Variants in ASCC3 observed in about 807,000 individuals in gnomAD.
The protein encoded by ASCC3 is activating signal cointegrator 1 complex subunit 3.
A neutral mutation model predicts 256.3 loss-of-function variants in ASCC3; 158 were observed. The observed-to-expected ratio is 0.62, with a 90% confidence interval of 0.54 to 0.70. The LOEUF is 0.70. Ranked by LOEUF, ASCC3 falls within the 30% of genes least tolerant of loss-of-function variation. The probability of loss-of-function intolerance (pLI) is 0.00; values close to 1 mark genes in which losing one functional copy is unlikely to be tolerated. For synonymous variants in ASCC3, 948 were observed against 883.4 expected, an observed-to-expected ratio of 1.07 and a Z score of -1.30; for missense variants, 2,259 against 2,626.0, an observed-to-expected ratio of 0.86 and a Z score of 3.05.
chr6:100,558,112 T>A (rs1327734210), intron 36 of ASCC3, among the ~76,000 whole-genome samples: 7 of 151,436 alleles, frequency 4.6e-5, no homozygotes, highest in Admixed American at 6.6e-5. Flanking sequence ...GTTCATATTT[T>A]GGTTTATTAT....
At chr6:100,777,659 A>G (rs1320898772) in intron 8 of ASCC3, among the ~76,000 whole-genome samples, 1 of 152,130 alleles carries the variant, frequency 6.6e-6, no homozygotes, top group Non-Finnish European at 1.5e-5. Context: ...CCACGAAAAA[A>G]TTTGAAACCT....
intron 13 of ASCC3, among the ~76,000 whole-genome samples, chr6:100,687,772 A>G (rs1402952207): frequency 1.3e-5 from 2 of 152,132 alleles, no homozygotes; most frequent in East Asian, 1.9e-4. Context: ...TTACCTGGAA[A>G]TGCTTTAGGA....
At chr6:100,761,587 T>A (rs1398488472) in intron 10 of ASCC3, among the ~76,000 whole-genome samples, 2 of 152,148 alleles carry the variant, frequency 1.3e-5, no homozygotes, top group Non-Finnish European at 2.9e-5. Flanking sequence ...ATAAAGACAT[T>A]CTCAGATTTT....
At position 100,781,522 on chromosome 6, in the gene ASCC3, T is replaced by C. The variant is rs1782449604; in HGVS notation, c.1396-14177A>G. ...CCTCAGCCTCCTGAGTAGCTGGGACTACAGGTGGGTGCCACCACGCCTGGC... is the reference window on the plus strand; with the variant it reads ...CCTCAGCCTCCTGAGTAGCTGGGACCACAGGTGGGTGCCACCACGCCTGGC... On this transcript the variant is annotated intron_variant, in intron 8 of 41. Coordinates refer to ENST00000369162, the MANE Select transcript of ASCC3 (RefSeq NM_006828.4). 2.0e-5 allele frequency among the ~76,000 whole-genome samples: 3 copies of C among 150,802 alleles called. No individual in the cohort carries two copies. In the South Asian group the frequency reaches 6.3e-4, roughly 32 times the overall value.
At chr6:100,576,357 CTA>C (rs1190639636) in intron 36 of ASCC3, among the ~76,000 whole-genome samples, 6 of 151,964 alleles carry the variant, frequency 3.9e-5, no homozygotes, top group Non-Finnish European at 5.9e-5. Flanking sequence ...ACTTATAATT[CTA>C]GTTACAAGGT....
At chr6:100,719,452 A>AT (rs137976337) in intron 11 of ASCC3, among the ~76,000 whole-genome samples, 3,111 of 152,114 alleles carry the variant, frequency 0.02, 102 homozygotes, top group African/African-American at 0.073. Context: ...TTTTAAAATC[A>AT]TTTTTTAAGA....
chr6:100,703,964 T>C (rs1778461302), intron 13 of ASCC3, among the ~76,000 whole-genome samples: 1 of 151,530 alleles, frequency 6.6e-6, no homozygotes, highest in African/African-American at 2.4e-5. Flanking sequence ...TTTTATCTTA[T>C]ATATAGGAAA....
intron 36 of ASCC3, among the ~76,000 whole-genome samples, 191 bp from the exon 37 acceptor site, chr6:100,540,578 T>G (rs1052155621): frequency 6.6e-6 from 1 of 152,194 alleles, no homozygotes; most frequent in Non-Finnish European, 1.5e-5. Context: ...GTACAATCTG[T>G]GAAATTCATG....
In ASCC3 at chr6:100,509,548, T is replaced by C; in HGVS notation, c.6462-15A>G. On this transcript the variant is annotated splice_polypyrimidine_tract_variant and intron_variant, in intron 41 of 41. Coordinates refer to ENST00000369162, the MANE Select transcript of ASCC3 (RefSeq NM_006828.4). ...TGTAGATATACCTAAAATATAAAAA[T>C]AGAAGAAAAATGTAAAACCACTTTT... The C allele has an allele frequency of 6.2e-7, 1 of 1,606,482 alleles. No homozygotes were observed.
chr6:100,837,818 T>C (rs955507203), intron 4 of ASCC3, among the ~76,000 whole-genome samples: 1 of 152,008 alleles, frequency 6.6e-6, no homozygotes, highest in African/African-American at 2.4e-5. Context: ...GCCTATCTAG[T>C]GCACAGTAGG....
chr6:100,644,076 A>G lies in ASCC3; in HGVS notation c.3687T>C (p.Asn1229=). The G allele has an allele frequency of 6.2e-7, 1 of 1,612,984 alleles. No individual in the cohort carries two copies. Among genetic ancestry groups the G allele is most frequent in the Non-Finnish European group, 8.5e-7 (1 of 1,179,376 alleles). Residue 1229 remains asparagine, a synonymous_variant, in exon 23 of 42, where the codon AAT becomes AAC. Transcript: ENST00000369162. The part of the protein sequence containing the change: ...PWWIWVEDPT[N]DHIYHSEYFL... Reference sequence around the variant, plus strand: ...AATACTCTGAATGATAAATATGATCATTTGTAGGATCTTCTACCCAAATCC... The same window carrying G: ...AATACTCTGAATGATAAATATGATCGTTTGTAGGATCTTCTACCCAAATCC...
At position 100,627,640 on chromosome 6, in the gene ASCC3, C is replaced by A. The variant is rs552450832; in HGVS notation, c.4592G>T (p.Gly1531Val). 1.9e-6 allele frequency: 3 copies of A among 1,613,554 alleles called. No homozygotes were observed. The East Asian group carries it at 6.7e-5, about 36-fold the overall frequency. ...AGCCATACGAGGACAGTAATGTTGA[C>A]CTGGAAAGCCTTGAATGTGAACTTC... ...PLEVHIQGFP[G>V]QHYCPRMASM... Residue 1531 changes from glycine to valine, a missense_variant, in exon 29 of 42, where the codon GGT becomes GTT. This residue lies in a region of ASCC3 where 1,839 missense variants were observed against 2,206.7 expected (regional missense o/e 0.83). Transcript: ENST00000369162.
Position 100,512,766 on chromosome 6 carries a change from A to C in ASCC3, c.6228T>G (p.Ala2076=). 1.2e-6 allele frequency: 2 copies of C among 1,614,168 alleles called. No homozygotes were observed. Among genetic ancestry groups the C allele is most frequent in the Non-Finnish European group, 1.7e-6 (2 of 1,180,000 alleles). ...RDDNKWIKLH[A]DQEYVLQVSL... ...TCACTTGAAGCACATACTCTTGGTCAGCATGCAATTTGATCCATTTGTTGT... is the reference window on the plus strand; with the variant it reads ...TCACTTGAAGCACATACTCTTGGTCCGCATGCAATTTGATCCATTTGTTGT... Residue 2076 remains alanine (A), a synonymous_variant, in exon 40 of 42, where the codon GCT becomes GCG. Coordinates refer to ENST00000369162, the MANE Select transcript of ASCC3 (RefSeq NM_006828.4).
At chr6:100,718,394 C>A in intron 11 of ASCC3, 143 bp from the exon 12 acceptor site, 1 of 611,440 alleles carries the variant, frequency 1.6e-6, no homozygotes, top group Non-Finnish European at 2.8e-6. Flanking sequence ...TCATGTCAGA[C>A]ATTGTAGCCC....
chr6:100,851,702 GA>G (rs1404800939), intron 3 of ASCC3, among the ~76,000 whole-genome samples: 19 of 152,166 alleles, frequency 1.2e-4, no homozygotes, highest in Non-Finnish European at 2.6e-4. Flanking sequence ...CAACCTATGT[GA>G]AATGGACACG....
At chr6:100,530,771 A>G (rs565895533) in intron 37 of ASCC3, 3 of 1,017,850 alleles carry the variant, frequency 2.9e-6, no homozygotes, top group African/African-American at 1.6e-5. Flanking sequence ...TTAATTTTGC[A>G]AAGAATCCAA....
At chr6:100,703,977 T>C (rs1778462005) in intron 13 of ASCC3, among the ~76,000 whole-genome samples, 1 of 151,514 alleles carries the variant, frequency 6.6e-6, no homozygotes, top group Non-Finnish European at 1.5e-5. Context: ...ATAGGAAAGT[T>C]TTAAAATTCT....
At chr6:100,875,348 A>G (rs1188741542) in intron 1 of ASCC3, among the ~76,000 whole-genome samples, 1 of 152,304 alleles carries the variant, frequency 6.6e-6, no homozygotes, top group East Asian at 1.9e-4. Context: ...AAGAGGAATG[A>G]TAATTCTGTT....
chr6:100,643,224 C>A (rs1357748827), intron 23 of ASCC3, among the ~76,000 whole-genome samples: 1 of 152,012 alleles, frequency 6.6e-6, no homozygotes, highest in African/African-American at 2.4e-5. Flanking sequence ...TGTTGCCTAC[C>A]CAAGACTCTT....
Sources: allele counts gnomAD v4.1 joint callset (sites outside exome capture counted in the v4.1 genomes callset), GRCh38; gene constraint gnomAD v4.1.1; regional missense constraint gnomAD v4.1.1; transcripts MANE v1.5; gene names NCBI Gene and HGNC (gene_info 2026-07-23, HGNC 2026-07-21).